Variants in RBFOX1 observed in about 807,000 individuals in gnomAD.
The protein encoded by RBFOX1 is RNA binding protein fox-1 homolog 1.
RBFOX1 carries 8 observed loss-of-function variants against 57.7 expected under a neutral mutation model. The observed-to-expected ratio is 0.14, with a 90% confidence interval of 0.08 to 0.25. The LOEUF is 0.25. Ranked by LOEUF, RBFOX1 falls within the 10% of genes least tolerant of loss-of-function variation. The pLI is 1.00. For synonymous variants in RBFOX1, 326 were observed against 222.4 expected (o/e 1.47, Z -4.15); for missense variants, 611 against 548.5 (o/e 1.11, Z -1.14).
At chr16:7,067,669 A>G (rs1206560274) in intron 4 of RBFOX1, among the ~76,000 whole-genome samples, 11 of 147,012 alleles carry the variant, frequency 7.5e-5, no homozygotes, top group African/African-American at 2.7e-4. Flanking sequence ...ATATCTCCCA[A>G]AGCTATCCCT....
chr16:7,081,704 T>G (rs2059231189), intron 4 of RBFOX1, among the ~76,000 whole-genome samples: 1 of 152,232 alleles, frequency 6.6e-6, no homozygotes, highest in African/African-American at 2.4e-5. Context: ...TCATAATTAT[T>G]TATTTTAAAT....
intron 4 of RBFOX1, among the ~76,000 whole-genome samples, chr16:7,513,283 T>TAATG (rs71150306): frequency 3.0e-5 from 4 of 135,576 alleles, no homozygotes; most frequent in Admixed American, 1.4e-4. Context: ...AAAATAAAAA[T>TAATG]AATGAATGAA....
chr16:6,151,672 G>A (rs1375730565), intron 1 of RBFOX1, among the ~76,000 whole-genome samples: 1 of 152,230 alleles, frequency 6.6e-6, no homozygotes, highest in Non-Finnish European at 1.5e-5. Flanking sequence ...AAACAGATTT[G>A]TTTGTTAGAA....
intron 2 of RBFOX1, among the ~76,000 whole-genome samples, chr16:6,404,994 A>G (rs941443503): frequency 1.3e-5 from 2 of 152,180 alleles, no homozygotes; most frequent in Admixed American, 1.3e-4. Flanking sequence ...CTTCGAACTA[A>G]TTCTAGATAG....
In RBFOX1 at chr16:6,656,320, A is replaced by T. The variant is rs533455089; in HGVS notation, c.-16+1670A>T. Among the ~76,000 whole-genome samples, 5 of 152,256 alleles carry T rather than the reference A, an allele frequency of 3.3e-5. No individual in the cohort carries two copies. In the South Asian group the frequency reaches 1.0e-3, roughly 32 times the overall value. On this transcript the variant is annotated intron_variant, in intron 3 of 15. Transcript: ENST00000550418. ...GTCCGGTATCTTTTTTAAAAATTTA[A>T]TTGCCAATAGTGCTTGAAAGATAAC...
chr16:5,610,162 C>T (rs34888490), intron 3 of RBFOX1: 20,937 of 152,090 alleles, frequency 0.14, 1,823 homozygotes, highest in East Asian at 0.37. Context: ...CAGTCTGTCC[C>T]GTTACCATCA....
At chr16:6,326,909 T>G (rs1246665670) in intron 2 of RBFOX1, among the ~76,000 whole-genome samples, 15 of 152,176 alleles carry the variant, frequency 9.9e-5, no homozygotes. Context: ...ATGTCTTGCA[T>G]GCAAAGCTGG....
chr16:5,599,045 T>G, exon 3 of RBFOX1: 1 of 1,219,932 alleles, frequency 8.2e-7, no homozygotes, highest in South Asian at 1.3e-5. Context: ...CCGTCATCAA[T>G]CACCGGGAAT....
At chr16:7,678,821 C>G (rs962372460) in intron 14 of RBFOX1, among the ~76,000 whole-genome samples, 4 of 152,122 alleles carry the variant, frequency 2.6e-5, no homozygotes, top group Non-Finnish European at 5.9e-5. Context: ...TGATATTATT[C>G]AGATTTCTCA....
intron 2 of RBFOX1, among the ~76,000 whole-genome samples, chr16:5,537,540 A>G (rs1328880499): frequency 6.6e-6 from 1 of 152,128 alleles, no homozygotes; most frequent in Non-Finnish European, 1.5e-5. Context: ...CCTTGCTTAT[A>G]TGTGTTGTTG....
chr16:5,745,593 G>C (rs539157674), intron 3 of RBFOX1, among the ~76,000 whole-genome samples: 73 of 152,234 alleles, frequency 4.8e-4, no homozygotes, highest in African/African-American at 1.1e-3. Flanking sequence ...TCCACATCCT[G>C]TCCAGCACCT....
rs928111549 is a variant in RBFOX1 at position 6,814,884 on chromosome 16, A to G, written c.-16+160234A>G. Among the ~76,000 whole-genome samples the G allele has an allele frequency of 2.0e-5, 3 of 152,158 alleles. No homozygotes were observed. In the South Asian group the frequency reaches 6.2e-4, roughly 32 times the overall value. ...GAGGGTTCTTGGACCTTGCACAGAA[A>G]AGAATTTGGGGCGAGTCCATAGAGT... On this transcript the variant is annotated intron_variant, in intron 3 of 15. Transcript: ENST00000550418.
intron 4 of RBFOX1, among the ~76,000 whole-genome samples, chr16:7,493,200 A>G (rs1283418358): frequency 6.6e-6 from 1 of 152,126 alleles, no homozygotes; most frequent in Non-Finnish European, 1.5e-5. Flanking sequence ...TTTCTTTGTA[A>G]AATACCCATT....
At chr16:7,299,299 C>T (rs768527284) in intron 4 of RBFOX1, among the ~76,000 whole-genome samples, 1 of 152,114 alleles carries the variant, frequency 6.6e-6, no homozygotes, top group Non-Finnish European at 1.5e-5. Context: ...TGTTCTAAAC[C>T]ACCAATGTAA....
At chr16:5,846,347 G>C (rs555633125) in intron 3 of RBFOX1, among the ~76,000 whole-genome samples, 1 of 152,248 alleles carries the variant, frequency 6.6e-6, no homozygotes, top group African/African-American at 2.4e-5. Context: ...TAACACAGTG[G>C]GAAAGAATAA....
At chr16:6,787,735 C>G (rs1221884458) in intron 3 of RBFOX1, among the ~76,000 whole-genome samples, 1 of 152,146 alleles carries the variant, frequency 6.6e-6, no homozygotes, top group African/African-American at 2.4e-5. Context: ...CAAATGAGCA[C>G]AGAGCTTCTG....
chr16:7,518,473 C>G lies in RBFOX1; in HGVS notation c.270+84C>G. The G allele has an allele frequency of 2.0e-6, 3 of 1,507,248 alleles. No individual in the cohort carries two copies. The South Asian group carries it at 4.0e-5, about 20-fold the overall frequency. 93.4% of individuals were successfully genotyped at this position (1,507,248 alleles called of 1,614,324 possible). ...AATGGCAGCGGGGGTGCACCCCCAT[C>G]TACCCAGGGACTCTGGGAAACAGAT... is the stretch of plus-strand genomic sequence containing the variant. On this transcript the variant is annotated intron_variant, in intron 5 of 15. Coordinates refer to ENST00000550418, the MANE Select transcript of RBFOX1 (RefSeq NM_018723.4).
Position 7,429,828 on chromosome 16 carries a change from A to G in RBFOX1, c.28-88319A>G, listed in dbSNP as rs138961639. ...AGCAAACTCTGCCTTTCCATTCTTC[A>G]TTACTCCAACTAATAATTATTGAGA... On this transcript the variant is annotated intron_variant, in intron 4 of 15. Coordinates refer to ENST00000550418, the MANE Select transcript of RBFOX1 (RefSeq NM_018723.4). Among the ~76,000 whole-genome samples, 62 of 152,244 alleles carry G rather than the reference A, an allele frequency of 4.1e-4. No homozygotes were observed. The East Asian group carries it at 0.011, about 28-fold the overall frequency.
In RBFOX1 at chr16:7,180,778, C is replaced by A. The variant is rs74012708; in HGVS notation, c.27+128680C>A. 7.7e-3 allele frequency among the ~76,000 whole-genome samples: 1,166 copies of A among 150,728 alleles called. 16 individuals are homozygous for A. The highest frequency in any genetic ancestry group is 0.027 in the African/African-American group (1,108 of 41,158). ...GTGAAAATATTTAGGCAAAATATTA[C>A]CACAGGGAAAGTTTATTTTAAGCAT... On this transcript the variant is annotated intron_variant, in intron 4 of 15. Coordinates refer to ENST00000550418, the MANE Select transcript of RBFOX1 (RefSeq NM_018723.4).
Sources: allele counts gnomAD v4.1 joint callset (sites outside exome capture counted in the v4.1 genomes callset), GRCh38; gene constraint gnomAD v4.1.1; transcripts MANE v1.5; gene names NCBI Gene and HGNC (gene_info 2026-07-23, HGNC 2026-07-21).